The following CCDC192 variants were observed in gnomAD, a reference collection of about 807,000 sequenced individuals.
CCDC192 encodes the protein coiled-coil domain containing 192, also known as coiled-coil domain-containing protein 192.
At chr5:127,717,928 C>CAAAAAAAAAAAAAAAAAAAA in intron 2 of CCDC192, among the ~76,000 whole-genome samples, 1 of 98,074 alleles carries the variant, frequency 1.0e-5, no homozygotes. Flanking sequence ...TAAAGCTAGA[C>CAAAAAAAAAAAAAAAAAAAA]AAAAAAAAAA....
At chr5:127,788,011 G>A (rs1431564891) in intron 3 of CCDC192, among the ~76,000 whole-genome samples, 1 of 150,774 alleles carries the variant, frequency 6.6e-6, no homozygotes, top group Non-Finnish European at 1.5e-5. Context: ...GAACCTGGGA[G>A]GTGGAGGTTA....
intron 3 of CCDC192, among the ~76,000 whole-genome samples, chr5:127,778,427 A>G (rs1755998541): frequency 6.6e-6 from 1 of 152,118 alleles, no homozygotes; most frequent in Non-Finnish European, 1.5e-5. Context: ...ATCCATTTTT[A>G]GATATTGAAC....
At chr5:127,921,110 A>AAGGAAAGGAGAAAGGAGAGGAAAGGAC (rs777949540) in intron 6 of CCDC192, among the ~76,000 whole-genome samples, 1,506 of 126,774 alleles carry the variant, frequency 0.012, 12 homozygotes, top group Middle Eastern at 0.019. Flanking sequence ...AAGGAAAGGA[A>AAGGAAAGGAGAAAGGAGAGGAAAGGAC]AGGAGAAAGG....
At chr5:127,892,681 T>C (rs1752764864) in intron 6 of CCDC192, among the ~76,000 whole-genome samples, 1 of 152,188 alleles carries the variant, frequency 6.6e-6, no homozygotes, top group African/African-American at 2.4e-5. Context: ...TTTATGAAGA[T>C]GTGGCATTGT....
intron 5 of CCDC192, among the ~76,000 whole-genome samples, chr5:127,817,654 G>A (rs114921002): frequency 6.6e-6 from 1 of 152,154 alleles, no homozygotes; most frequent in Non-Finnish European, 1.5e-5. Context: ...TAATGGATAT[G>A]AATTTATTTT....
rs905293381 is a variant in CCDC192, at chr5:127,926,153, G to T, written c.536-15029G>T. On this transcript the variant is annotated intron_variant, in intron 6 of 6. Coordinates refer to ENST00000514853, the MANE Select transcript of CCDC192 (RefSeq NM_001317938.2). ...AACACTCAGCAATGTATGAGTCATTGAAGTTCTGCCGCTGCAATTGGCCAA... is the reference window on the plus strand; with the variant it reads ...AACACTCAGCAATGTATGAGTCATTTAAGTTCTGCCGCTGCAATTGGCCAA... 2.0e-5 allele frequency among the ~76,000 whole-genome samples: 3 copies of T among 152,198 alleles called. No homozygotes were observed. In the East Asian group the frequency reaches 5.8e-4, roughly 29 times the overall value.
chr5:127,915,507 G>A (rs1445719918), intron 6 of CCDC192, among the ~76,000 whole-genome samples: 1 of 152,044 alleles, frequency 6.6e-6, no homozygotes, highest in Non-Finnish European at 1.5e-5. Flanking sequence ...TCAGCCTCCC[G>A]AGTAGCTGGG....
chr5:127,823,126 G>A (rs2127024263), intron 5 of CCDC192, among the ~76,000 whole-genome samples: 1 of 152,298 alleles, frequency 6.6e-6, no homozygotes, highest in African/African-American at 2.4e-5. Context: ...TCTCTCATGG[G>A]GTTTTATTGA....
chr5:127,887,493 T>C (rs1752603307), intron 6 of CCDC192, among the ~76,000 whole-genome samples: 1 of 152,056 alleles, frequency 6.6e-6, no homozygotes, highest in Non-Finnish European at 1.5e-5. Flanking sequence ...TGCCTTCCAG[T>C]CCCTTTATCC....
At chr5:127,822,294 A>G (rs1415126490) in intron 5 of CCDC192, among the ~76,000 whole-genome samples, 1 of 152,184 alleles carries the variant, frequency 6.6e-6, no homozygotes, top group Non-Finnish European at 1.5e-5. Flanking sequence ...TTGGGGTTCA[A>G]TCTGCCCATG....
intron 3 of CCDC192, among the ~76,000 whole-genome samples, chr5:127,787,845 G>A (rs956693713): frequency 2.6e-5 from 4 of 152,056 alleles, no homozygotes; most frequent in African/African-American, 7.2e-5. Context: ...ACTTTGAGAG[G>A]TCAAGACAGG....
intron 5 of CCDC192, among the ~76,000 whole-genome samples, chr5:127,851,273 A>G (rs765946081): frequency 4.6e-5 from 7 of 152,236 alleles, no homozygotes; most frequent in African/African-American, 1.4e-4. Context: ...AGACAGGCCA[A>G]TTCAGCTTCC....
At chr5:127,793,677 G>T (rs979144411) in intron 3 of CCDC192, among the ~76,000 whole-genome samples, 5 of 152,142 alleles carry the variant, frequency 3.3e-5, no homozygotes, top group African/African-American at 1.2e-4. Flanking sequence ...AAAGAAAATT[G>T]CTGATAGGGT....
intron 6 of CCDC192, among the ~76,000 whole-genome samples, chr5:127,882,008 C>T (rs548673336): frequency 5.3e-5 from 8 of 152,274 alleles, no homozygotes; most frequent in African/African-American, 1.9e-4. Flanking sequence ...GGTGTCTAGC[C>T]TACACATGCA....
chr5:127,788,405 T>A (rs1756683901), intron 3 of CCDC192, among the ~76,000 whole-genome samples: 1 of 152,182 alleles, frequency 6.6e-6, no homozygotes, highest in African/African-American at 2.4e-5. Flanking sequence ...AACCTATTTG[T>A]TTCTTTGAGT....
At chr5:127,734,517 G>A (rs1253279057) in intron 2 of CCDC192, among the ~76,000 whole-genome samples, 2 of 147,078 alleles carry the variant, frequency 1.4e-5, no homozygotes, top group East Asian at 2.0e-4. Flanking sequence ...CTTCCACAAT[G>A]GTTGAACTAG....
chr5:127,824,253 A>G (rs1749422884), intron 5 of CCDC192, among the ~76,000 whole-genome samples: 1 of 152,192 alleles, frequency 6.6e-6, no homozygotes, highest in African/African-American at 2.4e-5. Flanking sequence ...GTTAGAAAGG[A>G]AAGAAAAAGG....
chr5:127,881,156 C>T (rs1287072843), intron 6 of CCDC192, among the ~76,000 whole-genome samples: 1 of 152,052 alleles, frequency 6.6e-6, no homozygotes, highest in Non-Finnish European at 1.5e-5. Context: ...ATTTCAGACC[C>T]CATGATAAAT....
chr5:127,881,553 A>G (rs1752352797), intron 6 of CCDC192, among the ~76,000 whole-genome samples: 1 of 152,236 alleles, frequency 6.6e-6, no homozygotes, highest in African/African-American at 2.4e-5. Flanking sequence ...GCATATTCAT[A>G]TTCAAATTAA....
Sources: gnomAD v4.1 joint callset for allele counts (sites outside exome capture counted in the v4.1 genomes callset) on GRCh38, gnomAD v4.1.1 for gene constraint, MANE v1.5 for transcripts, NCBI Gene and HGNC (gene_info 2026-07-23, HGNC 2026-07-21) for gene names.